TMEM91: variants seen among roughly 807,000 people sequenced by gnomAD.
TMEM91 encodes dispanin subfamily C member 3.
TMEM91 carries 6 observed loss-of-function variants against 13.3 expected under a neutral mutation model. The ratio of observed to expected loss-of-function variants is 0.45; its 90% CI spans 0.25 to 0.89. The LOEUF is 0.89. Ranked by LOEUF, TMEM91 falls within the 40% of genes least tolerant of loss-of-function variation. TMEM91 has a pLI of 0.19. For missense variants in TMEM91, 193 were observed against 228.7 expected, an observed-to-expected ratio of 0.84 and a Z score of 1.01; for synonymous variants, 87 against 101.7, an observed-to-expected ratio of 0.86 and a Z score of 0.87.
At chr19:41,364,964 C>T (rs1159530285) in intron 1 of TMEM91, among the ~76,000 whole-genome samples, 1 of 151,838 alleles carries the variant, frequency 6.6e-6, no homozygotes, top group African/African-American at 2.4e-5. Context: ...AGCCTCTTAA[C>T]TCCTGGGTTC....
At chr19:41,379,247 G>A (rs1281933278) in intron 2 of TMEM91, among the ~76,000 whole-genome samples, 1 of 149,300 alleles carries the variant, frequency 6.7e-6, no homozygotes, top group Non-Finnish European at 1.5e-5. Flanking sequence ...TTGAGAAGGC[G>A]AGGCAGGAGG....
At chr19:41,366,062 T>C in intron 1 of TMEM91, among the ~76,000 whole-genome samples, 1 of 146,346 alleles carries the variant, frequency 6.8e-6, no homozygotes, top group Non-Finnish European at 1.5e-5. Flanking sequence ...CTTTTTTTTT[T>C]TTTTTTTTTT....
intron 1 of TMEM91, among the ~76,000 whole-genome samples, chr19:41,370,820 A>G (rs1245317814): frequency 6.6e-6 from 1 of 152,036 alleles, no homozygotes; most frequent in Non-Finnish European, 1.5e-5. Flanking sequence ...CTCCTGCCTC[A>G]GCCTCCCAAG....
At chr19:41,376,482 G>A (rs2038720085), upstream of TMEM91, 1 of 152,270 alleles carries the variant, frequency 6.6e-6, no homozygotes, top group South Asian at 2.1e-4. Context: ...GAAGGGAGGC[G>A]GGGCCAAGCC....
At chr19:41,371,392 T>C (rs1452098759) in intron 1 of TMEM91, among the ~76,000 whole-genome samples, 3 of 147,094 alleles carry the variant, frequency 2.0e-5, no homozygotes, top group African/African-American at 7.7e-5. Flanking sequence ...CTTCTTTCCT[T>C]CCTCCCTCCC....
At chr19:41,365,216 T>G (rs1415909853) in intron 1 of TMEM91, among the ~76,000 whole-genome samples, 1 of 152,034 alleles carries the variant, frequency 6.6e-6, no homozygotes, top group East Asian at 1.9e-4. Context: ...AAGCTACCAT[T>G]GGCTAGGCGC....
At chr19:41,364,926 G>A (rs2038489808) in intron 1 of TMEM91, among the ~76,000 whole-genome samples, 1 of 151,956 alleles carries the variant, frequency 6.6e-6, no homozygotes, top group Non-Finnish European at 1.5e-5. Context: ...CCAGGCTGGA[G>A]TACGGTGGCT....
chr19:41,370,362 C>A (rs2038594883), intron 1 of TMEM91, among the ~76,000 whole-genome samples: 1 of 150,456 alleles, frequency 6.6e-6, no homozygotes, highest in Non-Finnish European at 1.5e-5. Context: ...TAGGCGTGAG[C>A]CACTGTGCCC....
At chr19:41,374,661 C>G (rs1000035995), upstream of TMEM91, among the ~76,000 whole-genome samples, 1 of 152,016 alleles carries the variant, frequency 6.6e-6, no homozygotes, top group South Asian at 2.1e-4. Context: ...AAGGCATTGT[C>G]TAGAGGCCAC....
At chr19:41,382,999 C>A in intron 3 of TMEM91, 78 bp downstream of exon 3, 1 of 1,553,902 alleles carries the variant, frequency 6.4e-7, no homozygotes. Flanking sequence ...AGCCATATAC[C>A]TGAGGCGGGA....
intron 1 of TMEM91, among the ~76,000 whole-genome samples, chr19:41,371,411 T>C (rs1423461594): frequency 1.2e-4 from 3 of 25,418 alleles, no homozygotes; most frequent in Admixed American, 3.0e-4. Flanking sequence ...CCTCCCTCCT[T>C]TCTCTCTCTC....
intron 1 of TMEM91, among the ~76,000 whole-genome samples, chr19:41,368,474 G>T (rs1216916150): frequency 6.6e-6 from 1 of 151,594 alleles, no homozygotes; most frequent in Non-Finnish European, 1.5e-5. Context: ...CGTTCTGTGG[G>T]CCAGGGCTCA....
At chr19:41,378,165 G>C (rs1013339560) in intron 1 of TMEM91, 116 bp from the exon 2 acceptor site, 2 of 711,112 alleles carry the variant, frequency 2.8e-6, no homozygotes, top group African/African-American at 3.6e-5. Flanking sequence ...TCTGTAAAAT[G>C]GGTCTGAGGA....
intron 1 of TMEM91, among the ~76,000 whole-genome samples, chr19:41,365,684 C>T (rs1007544964): frequency 1.5e-4 from 22 of 144,992 alleles, no homozygotes; most frequent in African/African-American, 4.1e-4. Context: ...GGATTACAGG[C>T]GTTAGCCACC....
At chr19:41,379,137 C>CTTTTT (rs569382453) in intron 2 of TMEM91, among the ~76,000 whole-genome samples, 13 of 109,056 alleles carry the variant, frequency 1.2e-4, no homozygotes, top group South Asian at 2.9e-4. Context: ...CCCAGCCTTC[C>CTTTTT]TTTTTTTTTT....
chr19:41,383,907 C>T lies in TMEM91; in HGVS notation c.*34C>T, dbSNP rs1249550657. ...ACAGCCCTCACTGTGAACCCTGAGG[C>T]CGGCAGCCCAGCAAATCTGTGGGCA... On this transcript the variant is annotated 3_prime_UTR_variant, in exon 4 of 4. Transcript: ENST00000392002. 8.9e-6 allele frequency: 14 copies of T among 1,581,402 alleles called. No individual in the cohort carries two copies. Among genetic ancestry groups the T allele is most frequent in the Non-Finnish European group, 1.1e-5 (13 of 1,167,810 alleles).
At chr19:41,375,323 G>A (rs748763073), upstream of TMEM91, among the ~76,000 whole-genome samples, 36 of 111,344 alleles carry the variant, frequency 3.2e-4, no homozygotes, top group Non-Finnish European at 5.3e-4. Flanking sequence ...CTGTTTCCCA[G>A]GCTGGAGTGC....
intron 2 of TMEM91, among the ~76,000 whole-genome samples, chr19:41,382,515 C>T (rs941968455): frequency 1.3e-5 from 2 of 152,142 alleles, no homozygotes; most frequent in South Asian, 2.1e-4. Flanking sequence ...CCCAGCTACT[C>T]GGGAAGCTGA....
chr19:41,370,200 C>A (rs542764213), intron 1 of TMEM91, among the ~76,000 whole-genome samples: 51 of 152,150 alleles, frequency 3.4e-4, no homozygotes, highest in African/African-American at 1.2e-3. Context: ...ACCTCAGCCT[C>A]CCGAGTAACT....
Sources: gnomAD v4.1 joint callset for allele counts (sites outside exome capture counted in the v4.1 genomes callset) on GRCh38, gnomAD v4.1.1 for gene constraint, MANE v1.5 for transcripts, NCBI Gene and HGNC (gene_info 2026-07-23, HGNC 2026-07-21) for gene names.